NPAS3: variants seen among roughly 807,000 people sequenced by gnomAD.
The protein encoded by NPAS3 is neuronal PAS domain protein 3.
Under a neutral mutation model 73.1 loss-of-function variants are expected in NPAS3, and 14 were observed. The observed-to-expected ratio is 0.19, with a 90% CI of 0.13 to 0.30. The LOEUF (loss-of-function observed/expected upper bound fraction) is 0.30, where lower values mean the gene tolerates loss of function less well. NPAS3 is among the 10% of genes least tolerant of loss of function. The probability of loss-of-function intolerance (pLI) is 1.00; values close to 1 mark genes in which losing one functional copy is unlikely to be tolerated. For missense variants in NPAS3, 1,096 were observed against 1,250.0 expected (o/e 0.88, Z 1.86); for synonymous variants, 620 against 541.5 (o/e 1.14, Z -2.01).
At chr14:33,666,907 T>TTTTCATGTTCTACTCCAAGGATTCTTGC (rs2140298257) in intron 5 of NPAS3, among the ~76,000 whole-genome samples, 1 of 152,316 alleles carries the variant, frequency 6.6e-6, no homozygotes, top group Non-Finnish European at 1.5e-5. Flanking sequence ...TTTCATGTCA[T>TTTTCATGTTCTACTCCAAGGATTCTTGC]TTTCATGTTC....
chr14:33,446,801 T>C (rs1042851724), intron 4 of NPAS3, among the ~76,000 whole-genome samples: 81 of 152,368 alleles, frequency 5.3e-4, no homozygotes, highest in African/African-American at 1.9e-3. Context: ...ATCTATTAAG[T>C]ATATTCATGT....
At chr14:33,287,456 C>A (rs2041923311) in intron 3 of NPAS3, among the ~76,000 whole-genome samples, 1 of 152,080 alleles carries the variant, frequency 6.6e-6, no homozygotes, top group South Asian at 2.1e-4. Flanking sequence ...GAAAGAGAGA[C>A]TAACCGACAG....
At chr14:33,337,123 C>T (rs931966346) in intron 3 of NPAS3, among the ~76,000 whole-genome samples, 1 of 152,002 alleles carries the variant, frequency 6.6e-6, no homozygotes, top group African/African-American at 2.4e-5. Flanking sequence ...ATGGATCATA[C>T]TTCAGGTGTC....
intron 4 of NPAS3, among the ~76,000 whole-genome samples, chr14:33,428,245 A>G (rs1419979186): frequency 8.5e-5 from 13 of 152,104 alleles, no homozygotes; most frequent in Admixed American, 7.9e-4. Flanking sequence ...CCATGGACAC[A>G]TTTTTTAACT....
chr14:33,158,960 C>G (rs930032490), intron 2 of NPAS3, among the ~76,000 whole-genome samples: 10 of 152,002 alleles, frequency 6.6e-5, no homozygotes, highest in African/African-American at 2.4e-4. Context: ...GTCAGGAGTT[C>G]GAGACCAGCC....
chr14:32,985,212 A>T (rs1202089975), intron 1 of NPAS3, among the ~76,000 whole-genome samples: 1 of 152,194 alleles, frequency 6.6e-6, no homozygotes, highest in East Asian at 1.9e-4. Context: ...AAAGAAAGTA[A>T]TCCTACCAAT....
chr14:32,952,159 T>C (rs1359596621), intron 1 of NPAS3, among the ~76,000 whole-genome samples: 1 of 152,158 alleles, frequency 6.6e-6, no homozygotes, highest in African/African-American at 2.4e-5. Flanking sequence ...TATGTAGTTA[T>C]AGCTCTTGTC....
At chr14:33,293,080 C>T (rs1233513889) in intron 3 of NPAS3, among the ~76,000 whole-genome samples, 1 of 152,140 alleles carries the variant, frequency 6.6e-6, no homozygotes, top group East Asian at 1.9e-4. Context: ...TCATTATTTC[C>T]TTAGAACTGA....
At chr14:33,341,475 T>G (rs1237219575) in intron 3 of NPAS3, among the ~76,000 whole-genome samples, 1 of 152,102 alleles carries the variant, frequency 6.6e-6, no homozygotes, top group Non-Finnish European at 1.5e-5. Flanking sequence ...TAAACCAAAC[T>G]GTGTAGGCCA....
intron 4 of NPAS3, among the ~76,000 whole-genome samples, chr14:33,433,105 C>T (rs983869305): frequency 2.6e-5 from 4 of 152,106 alleles, no homozygotes; most frequent in African/African-American, 4.8e-5. Flanking sequence ...GTATTAACTA[C>T]ATTTTAAGAA....
chr14:33,477,063 C>A (rs2051070500), intron 4 of NPAS3, among the ~76,000 whole-genome samples: 1 of 152,230 alleles, frequency 6.6e-6, no homozygotes. Context: ...TTGTCAACAC[C>A]CTTTTTATAA....
intron 5 of NPAS3, among the ~76,000 whole-genome samples, chr14:33,622,610 C>G (rs2058107183): frequency 6.6e-6 from 1 of 152,126 alleles, no homozygotes; most frequent in African/African-American, 2.4e-5. Flanking sequence ...AATTTTAGAT[C>G]CTATTGAGTT....
intron 4 of NPAS3, among the ~76,000 whole-genome samples, chr14:33,538,350 A>G (rs186499559): frequency 1.3e-5 from 2 of 152,342 alleles, no homozygotes; most frequent in Non-Finnish European, 2.9e-5. Context: ...GTATATGGCT[A>G]GAGTCAGACC....
At chr14:33,677,922 T>C (rs2059815197) in intron 6 of NPAS3, among the ~76,000 whole-genome samples, 1 of 152,242 alleles carries the variant, frequency 6.6e-6, no homozygotes, top group Non-Finnish European at 1.5e-5. Context: ...AGAATGTTCA[T>C]ATCTGGGCAT....
At chr14:33,514,836 C>T (rs2053224739) in intron 4 of NPAS3, among the ~76,000 whole-genome samples, 2 of 151,998 alleles carry the variant, frequency 1.3e-5, no homozygotes, top group Admixed American at 6.6e-5. Context: ...AAAATCATGA[C>T]AGTTCTAGTT....
chr14:33,734,455 T>C (rs190903409), intron 6 of NPAS3, among the ~76,000 whole-genome samples: 47 of 152,310 alleles, frequency 3.1e-4, no homozygotes, highest in South Asian at 1.4e-3. Context: ...AGTCTAAAAG[T>C]ACATAAAAGG....
intron 7 of NPAS3, among the ~76,000 whole-genome samples, chr14:33,739,135 G>C (rs73260605): frequency 0.016 from 2,496 of 152,272 alleles, 61 homozygotes; most frequent in African/African-American, 0.057. Context: ...GAGAAAAGCT[G>C]TCATGTTTAT....
At chr14:33,260,552 A>G (rs1272143492) in intron 3 of NPAS3, among the ~76,000 whole-genome samples, 2 of 152,120 alleles carry the variant, frequency 1.3e-5, no homozygotes, top group African/African-American at 4.8e-5. Flanking sequence ...TACTTTTTCA[A>G]TCACCTGGGC....
intron 2 of NPAS3, among the ~76,000 whole-genome samples, chr14:33,068,413 C>A (rs996403061): frequency 6.6e-6 from 1 of 152,152 alleles, no homozygotes; most frequent in African/African-American, 2.4e-5. Flanking sequence ...TCTTTCTAAC[C>A]TTGTTTTATC....
Sources: gnomAD v4.1 joint callset for allele counts (sites outside exome capture counted in the v4.1 genomes callset) on GRCh38, gnomAD v4.1.1 for gene constraint, MANE v1.5 for transcripts, NCBI Gene and HGNC (gene_info 2026-07-23, HGNC 2026-07-21) for gene names.